Variants in MPPE1 observed in about 807,000 individuals in gnomAD.
The protein encoded by MPPE1 is metallophosphoesterase 1, also known as metallo phosphoesterase.
A neutral mutation model predicts 43.8 loss-of-function variants in MPPE1; 28 were observed. The ratio of observed to expected loss-of-function variants is 0.64; its 90% CI spans 0.47 to 0.88. The LOEUF (loss-of-function observed/expected upper bound fraction) is 0.88. Ranked by LOEUF, MPPE1 falls within the 40% of genes least tolerant of loss-of-function variation. The pLI, the probability that MPPE1 is intolerant of heterozygous loss-of-function variation, is 0.00. For synonymous variants in MPPE1, 159 were observed against 188.5 expected, an observed-to-expected ratio of 0.84 and a Z score of 1.28; for missense variants, 428 against 492.2, an observed-to-expected ratio of 0.87 and a Z score of 1.23.
chr18:11,904,033 T>G (rs1335775047), intron 2 of MPPE1, among the ~76,000 whole-genome samples: 1 of 152,236 alleles, frequency 6.6e-6, no homozygotes, highest in South Asian at 2.1e-4. Flanking sequence ...CAGATCTGTA[T>G]GGATTTGCCA....
At chr18:11,904,135 CT>C (rs377159139) in intron 2 of MPPE1, among the ~76,000 whole-genome samples, 11 of 151,908 alleles carry the variant, frequency 7.2e-5, no homozygotes, top group African/African-American at 2.7e-4. Context: ...CAGAGGAAGA[CT>C]TGGAAGGAAA....
Position 11,886,749 on chromosome 18 carries a change from C to T in MPPE1, c.708G>A (p.Gly236=). 3 of 1,613,412 alleles carry T rather than the reference C, an allele frequency of 1.9e-6. No individual in the cohort carries two copies. Among genetic ancestry groups the T allele is most frequent in the Non-Finnish European group, 1.7e-6 (2 of 1,179,942 alleles). The change falls in exon 8 of 11, where the codon GGG becomes GGA. Residue 236 remains glycine (G), a synonymous_variant. Transcript: ENST00000588072. This position sits in a 1 kb window ranked among gnomAD's most constrained non-coding sequence, Gnocchi z 4.1. ...EARGSSRCGP[G]PLLPTSAPVL... is the part of the protein sequence containing the mutation. ...CAGGGGCAGACGTGGGCAGCAGAGG[C>T]CCAGGTCCACACCGGCTGGAGCCAC...
At chr18:11,905,329 A>AAAAC (rs2039615032) in intron 2 of MPPE1, 1 of 152,156 alleles carries the variant, frequency 6.6e-6, no homozygotes, top group Non-Finnish European at 1.5e-5. Flanking sequence ...CAAAACAAAA[A>AAAAC]AAAACAACAA....
At chr18:11,906,955 CAA>C (rs1555633945) in intron 1 of MPPE1, among the ~76,000 whole-genome samples, 1 of 151,834 alleles carries the variant, frequency 6.6e-6, no homozygotes, top group Non-Finnish European at 1.5e-5. Flanking sequence ...CATTGTAAAT[CAA>C]AAATGAAATC....
intron 1 of MPPE1, among the ~76,000 whole-genome samples, 192 bp from the exon 2 acceptor site, chr18:11,906,501 T>C (rs1193458385): frequency 6.6e-6 from 1 of 152,158 alleles, no homozygotes; most frequent in Non-Finnish European, 1.5e-5. Context: ...ATATAAATTA[T>C]ATAAAACATT....
intron 10 of MPPE1, 82 bp downstream of exon 10, chr18:11,885,594 A>C: frequency 6.6e-7 from 1 of 1,505,436 alleles, no homozygotes; most frequent in Non-Finnish European, 9.1e-7. Context: ...ATTTTGACCG[A>C]TTGCAGCAAT....
chr18:11,905,358 A>C (rs1252446365), intron 2 of MPPE1: 2 of 152,198 alleles, frequency 1.3e-5, no homozygotes, highest in African/African-American at 4.8e-5. Context: ...TTTTGCTCAA[A>C]TCTTGGGAAA....
chr18:11,900,012 G>T (rs1279934169), intron 2 of MPPE1, among the ~76,000 whole-genome samples: 2 of 152,054 alleles, frequency 1.3e-5, no homozygotes, highest in Non-Finnish European at 2.9e-5. Context: ...AGGAGTTCGA[G>T]ACCAGCCTGG....
rs372037579 is a variant in MPPE1 at position 11,897,069 on chromosome 18, G to A, written c.196C>T (p.Arg66Cys). 33 of 1,526,704 alleles carry A rather than the reference G, an allele frequency of 2.2e-5. No individual in the cohort carries two copies. In the African/African-American group the frequency reaches 2.2e-4, roughly 10 times the overall value. 94.6% of individuals were successfully genotyped at this position (1,526,704 alleles called of 1,614,324 possible). Residue 66 changes from arginine (R) to cysteine (C), a missense_variant, in exon 3 of 11, where the codon CGT becomes TGT. This residue lies in a region of MPPE1 where 48 missense variants were observed against 73.5 expected (regional missense o/e 0.65). Transcript: ENST00000588072. Reference protein sequence around the residue: ...TTASDGEQTTREPVLKAMFLA... With the variant: ...TTASDGEQTTCEPVLKAMFLA... ...AACATGGCTTTGAGCACAGGCTCACGTGTGGTCTGTTCACCATCAGAGGCT... is the reference window on the plus strand; with the variant it reads ...AACATGGCTTTGAGCACAGGCTCACATGTGGTCTGTTCACCATCAGAGGCT...
intron 1 of MPPE1, among the ~76,000 whole-genome samples, chr18:11,907,606 C>T (rs1268470805): frequency 6.6e-6 from 1 of 151,786 alleles, no homozygotes; most frequent in Non-Finnish European, 1.5e-5. Flanking sequence ...TCCTTTCCCC[C>T]ACAACTTCTC....
intron 4 of MPPE1, chr18:11,892,962 G>C (rs1247448394): frequency 6.5e-6 from 1 of 153,468 alleles, no homozygotes; most frequent in Non-Finnish European, 1.4e-5. Flanking sequence ...TGAAAGCAGA[G>C]GATCCTCACA....
rs1446048404 is a variant in MPPE1 at position 11,885,790 on chromosome 18, C to T, written c.894G>A (p.Leu298=). The T allele has an allele frequency of 5.6e-6, 9 of 1,611,826 alleles. No homozygotes were observed. Among genetic ancestry groups the T allele is most frequent in the African/African-American group, 1.3e-5 (1 of 74,932 alleles). Residue 298 remains leucine, a synonymous_variant, in exon 10 of 11, where the codon CTG becomes CTA. Coordinates refer to ENST00000588072, the MANE Select transcript of MPPE1 (RefSeq NM_023075.6). ...CGCTGTGCGTGTGGCCACTGAGAACCAGGCGCGGCTGGAGCCACCACAGCA... is the reference window on the plus strand; with the variant it reads ...CGCTGTGCGTGTGGCCACTGAGAACTAGGCGCGGCTGGAGCCACCACAGCA... ...QKLLWWLQPR[L]VLSGHTHSAC...
intron 2 of MPPE1, chr18:11,902,323 T>C (rs1183862082): frequency 6.6e-6 from 1 of 152,084 alleles, no homozygotes; most frequent in Non-Finnish European, 1.5e-5. Flanking sequence ...CATGCACCAG[T>C]ATGGTGAAGG....
At chr18:11,903,754 C>A (rs374283746) in intron 2 of MPPE1, among the ~76,000 whole-genome samples, 2 of 152,108 alleles carry the variant, frequency 1.3e-5, no homozygotes, top group African/African-American at 2.4e-5. Context: ...TGCAGTGAAC[C>A]GAGATCGCGC....
chr18:11,898,027 T>C (rs149493655), intron 2 of MPPE1, among the ~76,000 whole-genome samples: 4,385 of 152,132 alleles, frequency 0.029, 143 homozygotes, highest in African/African-American at 0.075. Flanking sequence ...AAGCTAACTT[T>C]GGGAGAAATT....
chr18:11,900,923 A>AAAAAG (rs2039128531), intron 2 of MPPE1, among the ~76,000 whole-genome samples: 1 of 151,708 alleles, frequency 6.6e-6, no homozygotes, highest in African/African-American at 2.4e-5. Context: ...AAAAAAAAAA[A>AAAAAG]AGTAAGAGAA....
At chr18:11,893,168 T>C (rs1249490252) in intron 4 of MPPE1, 3 of 306,088 alleles carry the variant, frequency 9.8e-6, no homozygotes, top group Non-Finnish European at 1.8e-5. Context: ...TTTCTCCCTT[T>C]CCCAAGAGGT....
Position 11,886,691 on chromosome 18 carries a change from G to A in MPPE1, c.744+22C>T. 1 of 1,613,892 alleles carries A rather than the reference G, an allele frequency of 6.2e-7. No individual in the cohort carries two copies. ...ACAGGCTGCCTGCTGTCTGCCATGAGCCCTTTCCTCCCCCAGCTCACCTGC... is the reference window on the plus strand; with the variant it reads ...ACAGGCTGCCTGCTGTCTGCCATGAACCCTTTCCTCCCCCAGCTCACCTGC... On this transcript the variant is annotated intron_variant, in intron 8 of 10. Transcript: ENST00000588072. The surrounding 1 kb of genome is among the most constrained non-coding windows in gnomAD (Gnocchi z 4.1).
intron 2 of MPPE1, among the ~76,000 whole-genome samples, chr18:11,900,775 C>A (rs943468009): frequency 6.6e-6 from 1 of 151,798 alleles, no homozygotes; most frequent in South Asian, 2.1e-4. Context: ...GGCGTGGTGG[C>A]AGACGCCTGT....
Sources: gnomAD v4.1 joint callset for allele counts (sites outside exome capture counted in the v4.1 genomes callset) on GRCh38, gnomAD v4.1.1 for gene constraint, gnomAD v4.1.1 regional missense constraint, Gnocchi (gnomAD v3.1) non-coding constraint, MANE v1.5 for transcripts, NCBI Gene and HGNC (gene_info 2026-07-23, HGNC 2026-07-21) for gene names.